Variants in DNAAF5 observed in about 807,000 individuals in gnomAD.
The protein encoded by DNAAF5 is dynein axonemal assembly factor 5.
In DNAAF5, 64 loss-of-function variants were observed where a neutral mutation model predicts 75.8. The ratio of observed to expected loss-of-function variants is 0.84; its 90% CI spans 0.69 to 1.04. DNAAF5 has a LOEUF of 1.04. DNAAF5 is among the 50% of genes least tolerant of loss of function. The pLI, the probability that DNAAF5 is intolerant of heterozygous loss-of-function variation, is 0.00. For synonymous variants in DNAAF5, 657 were observed against 557.2 expected (o/e 1.18, Z -2.52); for missense variants, 1,269 against 1,178.5 (o/e 1.08, Z -1.12).
At chr7:760,232 C>T (rs905249771) in intron 6 of DNAAF5, among the ~76,000 whole-genome samples, 2 of 152,168 alleles carry the variant, frequency 1.3e-5, no homozygotes, top group Admixed American at 1.3e-4. Flanking sequence ...GTTTAGTCTT[C>T]CATGATTTAC....
rs575813899 is a variant in DNAAF5, at chr7:736,703, A to G, written c.781-4116A>G. On this transcript the variant is annotated intron_variant, in intron 2 of 12. Transcript: ENST00000297440. ...GGAGAGTTTAGTCTGGTTACGTTCA[A>G]TGTTGTTATTGATAAGTAAGGACTT... Among the ~76,000 whole-genome samples the G allele has an allele frequency of 4.3e-4, 66 of 152,250 alleles. No individual in the cohort carries two copies. The South Asian group carries it at 7.3e-3, about 17-fold the overall frequency.
intron 6 of DNAAF5, among the ~76,000 whole-genome samples, chr7:757,422 G>A (rs370915314): frequency 3.3e-5 from 5 of 152,230 alleles, no homozygotes; most frequent in South Asian, 2.1e-4. Flanking sequence ...CCTGAGGAGC[G>A]TGGTCGCACG....
intron 11 of DNAAF5, among the ~76,000 whole-genome samples, chr7:775,896 C>T (rs1458008688): frequency 2.6e-5 from 4 of 152,146 alleles, no homozygotes; most frequent in African/African-American, 9.7e-5. Flanking sequence ...GTGTGTGGGT[C>T]ATGTGCAAAT....
chr7:769,282 G>T (rs1250733983), intron 8 of DNAAF5: 1 of 703,304 alleles, frequency 1.4e-6, no homozygotes, highest in Non-Finnish European at 2.6e-6. Context: ...TCCTTCTGCG[G>T]CCCCAACCCA....
chr7:740,680 C>A (rs1324706809), intron 2 of DNAAF5, 139 bp from the exon 3 acceptor site: 2 of 1,213,690 alleles, frequency 1.6e-6, no homozygotes, highest in Non-Finnish European at 2.3e-6. Flanking sequence ...GGCATCTAGG[C>A]GGTGGTAGGT....
At chr7:760,746 A>G (rs2128080005) in intron 6 of DNAAF5, among the ~76,000 whole-genome samples, 1 of 152,396 alleles carries the variant, frequency 6.6e-6, no homozygotes, top group Non-Finnish European at 1.5e-5. Flanking sequence ...TGCGGGCTTC[A>G]GAGCCTGGCT....
intron 11 of DNAAF5, among the ~76,000 whole-genome samples, chr7:776,003 C>T (rs980376433): frequency 7.2e-5 from 11 of 152,020 alleles, no homozygotes; most frequent in African/African-American, 2.4e-4. Flanking sequence ...TACCAAGGGA[C>T]GACTGTATTT....
At chr7:771,054 G>A (rs560110832) in intron 9 of DNAAF5, 2 of 157,498 alleles carry the variant, frequency 1.3e-5, no homozygotes, top group African/African-American at 2.4e-5. Flanking sequence ...AAAAGTTTTA[G>A]GGAACATTAA....
intron 7 of DNAAF5, among the ~76,000 whole-genome samples, chr7:763,147 A>G (rs1173516678): frequency 6.6e-6 from 1 of 152,126 alleles, no homozygotes; most frequent in African/African-American, 2.4e-5. Flanking sequence ...TGGGGCCTCT[A>G]AAAACAAGCT....
At chr7:762,953 G>C (rs1208296521) in intron 7 of DNAAF5, among the ~76,000 whole-genome samples, 3 of 152,238 alleles carry the variant, frequency 2.0e-5, no homozygotes, top group Non-Finnish European at 1.5e-5. Context: ...CTTCTAATGG[G>C]CTTCTAGGGC....
chr7:739,861 G>A (rs1018437649), intron 2 of DNAAF5, among the ~76,000 whole-genome samples: 1 of 152,164 alleles, frequency 6.6e-6, no homozygotes, highest in African/African-American at 2.4e-5. Context: ...GTCCCAGCGA[G>A]TGACCACGCC....
intron 9 of DNAAF5, among the ~76,000 whole-genome samples, chr7:773,623 G>T (rs1019804715): frequency 6.6e-6 from 1 of 152,186 alleles, no homozygotes; most frequent in Non-Finnish European, 1.5e-5. Context: ...TGGCTGGAGA[G>T]ACTTGGCCTT....
chr7:735,369 A>G (rs1172976117), intron 2 of DNAAF5, among the ~76,000 whole-genome samples: 3 of 145,676 alleles, frequency 2.1e-5, no homozygotes, highest in East Asian at 4.2e-4. Context: ...CGTTGCTCAT[A>G]TTGTAGTTGC....
intron 2 of DNAAF5, 125 bp from the exon 3 acceptor site, chr7:740,694 C>A: frequency 7.2e-7 from 1 of 1,380,702 alleles, no homozygotes; most frequent in Admixed American, 1.9e-5. Flanking sequence ...GGTAGGTGGC[C>A]CAGGACCTGG....
At chr7:765,715 TTTTTTGA>T (rs1782798999) in intron 8 of DNAAF5, among the ~76,000 whole-genome samples, 1 of 152,302 alleles carries the variant, frequency 6.6e-6, no homozygotes, top group South Asian at 2.1e-4. Context: ...TTGTTTTTTG[TTTTTTGA>T]GACGGTCTCA....
chr7:762,272 G>A (rs1039593756), intron 7 of DNAAF5, among the ~76,000 whole-genome samples: 4 of 152,144 alleles, frequency 2.6e-5, no homozygotes, highest in African/African-American at 7.2e-5. Flanking sequence ...GATCACCTGA[G>A]GTCAGGAGTT....
At chr7:762,702 C>T (rs1485371835) in intron 7 of DNAAF5, among the ~76,000 whole-genome samples, 1 of 151,960 alleles carries the variant, frequency 6.6e-6, no homozygotes, top group Non-Finnish European at 1.5e-5. Context: ...CAACTTCTGC[C>T]TCCCAGGTTC....
At position 754,573 on chromosome 7, in the gene DNAAF5, C is replaced by G; in HGVS notation, c.1025-16C>G. The G allele has an allele frequency of 6.2e-7, 1 of 1,602,590 alleles. No homozygotes were observed. The highest frequency in any genetic ancestry group is 8.5e-7 in the Non-Finnish European group (1 of 1,170,512). On this transcript the variant is annotated splice_polypyrimidine_tract_variant and intron_variant, in intron 4 of 12. Coordinates refer to ENST00000297440, the MANE Select transcript of DNAAF5 (RefSeq NM_017802.4). The surrounding 1 kb of genome is among the most constrained non-coding windows in gnomAD (Gnocchi z 4.8). ...GCTTGTGAATTTCTCATTCTTCTTTCCCTTTTTCGTTCCAGAGCGCCGCCC... is the reference window on the plus strand; with the variant it reads ...GCTTGTGAATTTCTCATTCTTCTTTGCCTTTTTCGTTCCAGAGCGCCGCCC...
chr7:778,045 G>T (rs1005038339), intron 11 of DNAAF5: 1 of 152,176 alleles, frequency 6.6e-6, no homozygotes, highest in Non-Finnish European at 1.5e-5. Context: ...TACACACGGC[G>T]CTGGGCAGAA....
Sources: gnomAD v4.1 joint callset for allele counts (sites outside exome capture counted in the v4.1 genomes callset) on GRCh38, gnomAD v4.1.1 for gene constraint, Gnocchi (gnomAD v3.1) non-coding constraint, MANE v1.5 for transcripts, NCBI Gene and HGNC (gene_info 2026-07-23, HGNC 2026-07-21) for gene names.